TRAPPC9: variants seen among roughly 807,000 people sequenced by gnomAD.
The protein encoded by TRAPPC9 is trafficking protein particle complex subunit 9, also known as IKK2 binding protein.
TRAPPC9 carries 83 observed loss-of-function variants against 124.0 expected under a neutral mutation model. The observed-to-expected ratio is 0.67, with a 90% confidence interval of 0.56 to 0.80. TRAPPC9 has a LOEUF of 0.80. TRAPPC9 is among the 30% of genes least tolerant of loss of function. The pLI is 0.00. For synonymous variants in TRAPPC9, 638 were observed against 617.5 expected, an observed-to-expected ratio of 1.03 and a Z score of -0.49; for missense variants, 1,302 against 1,508.3, an observed-to-expected ratio of 0.86 and a Z score of 2.27.
chr8:139,900,172 C>T (rs755848717), intron 20 of TRAPPC9, among the ~76,000 whole-genome samples: 5 of 152,210 alleles, frequency 3.3e-5, no homozygotes, highest in South Asian at 2.1e-4. Flanking sequence ...TTCCTGTTGC[C>T]GCTTCCCCTT....
At chr8:140,255,231 G>A (rs938394802) in intron 15 of TRAPPC9, among the ~76,000 whole-genome samples, 3 of 152,202 alleles carry the variant, frequency 2.0e-5, no homozygotes, top group Admixed American at 1.3e-4. Flanking sequence ...TATTTACTTA[G>A]TCATTCACAG....
chr8:140,139,886 T>A (rs544421995), intron 17 of TRAPPC9, among the ~76,000 whole-genome samples: 1 of 152,186 alleles, frequency 6.6e-6, no homozygotes, highest in Non-Finnish European at 1.5e-5. Flanking sequence ...AGTCAGTATT[T>A]CGTTATGCTG....
intron 7 of TRAPPC9, among the ~76,000 whole-genome samples, chr8:140,379,699 G>A (rs901665355): frequency 2.0e-5 from 3 of 152,054 alleles, no homozygotes; most frequent in Non-Finnish European, 4.4e-5. Flanking sequence ...GCCTTGAAGG[G>A]ACATACAAAA....
At chr8:140,096,702 G>A (rs1445504455) in intron 17 of TRAPPC9, 1 of 152,214 alleles carries the variant, frequency 6.6e-6, no homozygotes, top group Non-Finnish European at 1.5e-5. Flanking sequence ...CAGTCGCGTT[G>A]AGTGCAGGAT....
At chr8:140,443,960 G>A (rs528626741) in intron 2 of TRAPPC9, among the ~76,000 whole-genome samples, 45 of 149,156 alleles carry the variant, frequency 3.0e-4, no homozygotes, top group South Asian at 1.5e-3. Flanking sequence ...GGCCTGAACC[G>A]GGGAGGCGGA....
intron 4 of TRAPPC9, 43 bp downstream of exon 4, chr8:140,435,069 A>C (rs374851005): frequency 6.2e-7 from 1 of 1,613,936 alleles, no homozygotes; most frequent in African/African-American, 1.3e-5. Context: ...GCTTTATTTA[A>C]AGACTGCAAG....
At chr8:140,070,443 G>T (rs964155553) in intron 17 of TRAPPC9, among the ~76,000 whole-genome samples, 1 of 152,010 alleles carries the variant, frequency 6.6e-6, no homozygotes, top group African/African-American at 2.4e-5. Context: ...TAATACATAC[G>T]CATATATATA....
intron 17 of TRAPPC9, among the ~76,000 whole-genome samples, chr8:140,067,475 C>A (rs773780278): frequency 3.3e-5 from 5 of 152,190 alleles, no homozygotes; most frequent in African/African-American, 4.8e-5. Flanking sequence ...TCAAATTGGG[C>A]TCTTGGCAAT....
At chr8:140,335,702 A>T (rs1022588743) in intron 9 of TRAPPC9, among the ~76,000 whole-genome samples, 2 of 115,972 alleles carry the variant, frequency 1.7e-5, no homozygotes, top group African/African-American at 3.6e-5. Context: ...ATAAGTCTTC[A>T]CAATTTTTTT....
At chr8:140,152,235 T>TAAA (rs71320343) in intron 17 of TRAPPC9, among the ~76,000 whole-genome samples, 5,043 of 106,524 alleles carry the variant, frequency 0.047, 241 homozygotes, top group African/African-American at 0.12. Flanking sequence ...ACTTAAGCTT[T>TAAA]AAAAAAAAAA....
At chr8:140,366,702 C>G (rs2068118686) in intron 8 of TRAPPC9, among the ~76,000 whole-genome samples, 1 of 152,126 alleles carries the variant, frequency 6.6e-6, no homozygotes, top group Non-Finnish European at 1.5e-5. Context: ...CAAGGTATAA[C>G]CCATCAAAGA....
At chr8:140,361,741 G>A (rs1324496685) in intron 8 of TRAPPC9, among the ~76,000 whole-genome samples, 1 of 152,006 alleles carries the variant, frequency 6.6e-6, no homozygotes, top group Non-Finnish European at 1.5e-5. Flanking sequence ...ACCTGCTTGT[G>A]TGTCAAAATC....
intron 20 of TRAPPC9, among the ~76,000 whole-genome samples, chr8:139,897,787 C>T (rs1433846369): frequency 3.3e-5 from 5 of 152,214 alleles, no homozygotes; most frequent in East Asian, 3.9e-4. Context: ...CCCATGAATC[C>T]GTGTTTCCAG....
At chr8:139,896,691 C>T (rs898767065) in intron 20 of TRAPPC9, among the ~76,000 whole-genome samples, 1 of 152,200 alleles carries the variant, frequency 6.6e-6, no homozygotes, top group Non-Finnish European at 1.5e-5. Flanking sequence ...AACCAGGAGC[C>T]ATGAGTCCCA....
chr8:139,784,573 C>CAAAT (rs571905487), intron 21 of TRAPPC9, among the ~76,000 whole-genome samples: 1,444 of 112,102 alleles, frequency 0.013, 39 homozygotes, highest in African/African-American at 0.043. Flanking sequence ...GACTCCATGT[C>CAAAT]AAATAAATAA....
intron 9 of TRAPPC9, among the ~76,000 whole-genome samples, chr8:140,345,352 A>T (rs1306875868): frequency 6.6e-6 from 1 of 152,190 alleles, no homozygotes; most frequent in African/African-American, 2.4e-5. Context: ...AGGAGCCATC[A>T]ATCCTAATGG....
chr8:139,968,273 T>C (rs1441532106), intron 19 of TRAPPC9, among the ~76,000 whole-genome samples: 3 of 152,230 alleles, frequency 2.0e-5, no homozygotes, highest in Non-Finnish European at 4.4e-5. Context: ...CACAGCCTGA[T>C]TATCTCCCCC....
At chr8:140,221,643 T>G in intron 16 of TRAPPC9, 60 bp from the exon 17 acceptor site, 1 of 1,560,390 alleles carries the variant, frequency 6.4e-7, no homozygotes, top group Non-Finnish European at 8.7e-7. Flanking sequence ...GGTTTGTTGT[T>G]GTTGTTGTTG....
intron 17 of TRAPPC9, among the ~76,000 whole-genome samples, chr8:140,045,806 T>A (rs1841558854): frequency 6.6e-6 from 1 of 151,854 alleles, no homozygotes; most frequent in Non-Finnish European, 1.5e-5. Flanking sequence ...GAGTCCCAGA[T>A]CAATTACATT....
Sources: allele counts gnomAD v4.1 joint callset (sites outside exome capture counted in the v4.1 genomes callset), GRCh38; gene constraint gnomAD v4.1.1; transcripts MANE v1.5; gene names NCBI Gene and HGNC (gene_info 2026-07-23, HGNC 2026-07-21).